The following FHOD3 variants were observed in gnomAD, a reference collection of about 807,000 sequenced individuals.
The protein encoded by FHOD3 is FH1/FH2 domain-containing protein 3.
Under a neutral mutation model 173.0 loss-of-function variants are expected in FHOD3, and 90 were observed. The observed-to-expected ratio is 0.52, with a 90% CI of 0.44 to 0.62. FHOD3 has a LOEUF of 0.62. Among genes scored for constraint, FHOD3 ranks in the 20% least tolerant of loss-of-function variants. The pLI, the probability that FHOD3 is intolerant of heterozygous loss-of-function variation, is 0.00. For synonymous variants in FHOD3, 828 were observed against 823.0 expected (o/e 1.01, Z -0.10); for missense variants, 1,945 against 2,034.7 (o/e 0.96, Z 0.85).
chr18:36,494,746 C>G (rs1182127811), intron 3 of FHOD3, among the ~76,000 whole-genome samples: 2 of 152,188 alleles, frequency 1.3e-5, no homozygotes, highest in African/African-American at 2.4e-5. Flanking sequence ...CTTTGCACAC[C>G]TCCCACCTGG....
chr18:36,680,335 C>T (rs1460477976), intron 14 of FHOD3, among the ~76,000 whole-genome samples: 1 of 152,168 alleles, frequency 6.6e-6, no homozygotes, highest in Non-Finnish European at 1.5e-5. Context: ...GATCTGTGTT[C>T]CCCACCTTGC....
intron 5 of FHOD3, among the ~76,000 whole-genome samples, chr18:36,573,367 T>C (rs1349896270): frequency 6.6e-6 from 1 of 151,772 alleles, no homozygotes; most frequent in East Asian, 1.9e-4. Flanking sequence ...CACTTTGGGA[T>C]TCCAAGGCTG....
At chr18:36,365,733 A>T (rs1385562811) in intron 2 of FHOD3, among the ~76,000 whole-genome samples, 2 of 152,166 alleles carry the variant, frequency 1.3e-5, no homozygotes, top group African/African-American at 4.8e-5. Flanking sequence ...TGGAAGAGAG[A>T]CACTGAGCTG....
intron 1 of FHOD3, among the ~76,000 whole-genome samples, chr18:36,346,766 G>T (rs1054983133): frequency 6.6e-6 from 1 of 152,180 alleles, no homozygotes; most frequent in Non-Finnish European, 1.5e-5. Context: ...TCTGCTCACA[G>T]CCATTCCATT....
In FHOD3 at chr18:36,588,936, C is replaced by T. The variant is rs1025118948; in HGVS notation, c.607-5851C>T. Among the ~76,000 whole-genome samples, 7 of 152,272 alleles carry T rather than the reference C, an allele frequency of 4.6e-5. 1 individual carries two copies. In the South Asian group the frequency reaches 6.2e-4, roughly 14 times the overall value. Reference sequence around the variant, plus strand: ...CTTCCCTCCAGCCCAGCCTCCCTGTCGCAGAGCTGACATTGAGCCCTGTGT... The same window carrying T: ...CTTCCCTCCAGCCCAGCCTCCCTGTTGCAGAGCTGACATTGAGCCCTGTGT... On this transcript the variant is annotated intron_variant, in intron 6 of 28. Transcript: ENST00000590592.
intron 15 of FHOD3, among the ~76,000 whole-genome samples, chr18:36,681,825 C>T (rs377191967): frequency 4.6e-5 from 7 of 152,182 alleles, no homozygotes; most frequent in African/African-American, 1.7e-4. Flanking sequence ...CCTCCATTAC[C>T]TACCTCGTCC....
intron 3 of FHOD3, among the ~76,000 whole-genome samples, chr18:36,459,289 C>G (rs2052411455): frequency 6.6e-6 from 1 of 152,144 alleles, no homozygotes; most frequent in Non-Finnish European, 1.5e-5. Flanking sequence ...GCAACTATGA[C>G]AAAGGGGATT....
chr18:36,779,563 C>T lies in FHOD3; in HGVS notation c.*33C>T, dbSNP rs149851124. ...AGGTTACTCCCAGGAGTGTGCTGAG[C>T]AGAAGGCAAGCTCTTGCTGGATGAA... On this transcript the variant is annotated 3_prime_UTR_variant, in exon 29 of 29. Transcript: ENST00000590592. 129 of 1,600,242 alleles carry T rather than the reference C, an allele frequency of 8.1e-5. 1 individual carries two copies. The East Asian group carries it at 1.7e-3, about 20-fold the overall frequency.
chr18:36,474,986 T>TACACACACACACACAC (rs3056805), intron 3 of FHOD3, among the ~76,000 whole-genome samples: 1 of 108,112 alleles, frequency 9.2e-6, no homozygotes, highest in African/African-American at 3.5e-5. Context: ...AATACACACA[T>TACACACACACACACAC]ACACACACAC....
chr18:36,605,533 C>T (rs547598715), intron 8 of FHOD3, among the ~76,000 whole-genome samples: 1 of 152,248 alleles, frequency 6.6e-6, no homozygotes, highest in East Asian at 1.9e-4. Context: ...AAATGTAATC[C>T]TTTCCTTAAC....
chr18:36,471,542 A>G (rs755112498), intron 3 of FHOD3, among the ~76,000 whole-genome samples: 11 of 152,224 alleles, frequency 7.2e-5, no homozygotes, highest in Non-Finnish European at 1.5e-4. Flanking sequence ...AGAGAAGTCC[A>G]GGCAATTAGG....
chr18:36,461,132 C>T (rs78064093), intron 3 of FHOD3, among the ~76,000 whole-genome samples: 119 of 152,222 alleles, frequency 7.8e-4, no homozygotes, highest in African/African-American at 2.7e-3. Context: ...TGCTGCAGGT[C>T]CTCAGATACA....
chr18:36,726,506 A>T (rs2041078433), intron 19 of FHOD3, among the ~76,000 whole-genome samples: 1 of 152,076 alleles, frequency 6.6e-6, no homozygotes, highest in Non-Finnish European at 1.5e-5. Flanking sequence ...CCTTCAAGAA[A>T]GGCATTTACA....
chr18:36,530,903 G>A (rs2056753511), intron 5 of FHOD3, among the ~76,000 whole-genome samples: 1 of 152,166 alleles, frequency 6.6e-6, no homozygotes, highest in South Asian at 2.1e-4. Flanking sequence ...GGCCCCTGCG[G>A]TGAGTGACTG....
chr18:36,326,935 C>T (rs1276167876), intron 1 of FHOD3, among the ~76,000 whole-genome samples: 4 of 152,196 alleles, frequency 2.6e-5, no homozygotes, highest in Non-Finnish European at 4.4e-5. Flanking sequence ...TTTCTCAGCT[C>T]GGACTTTGGC....
At chr18:36,446,795 G>A (rs989725558) in intron 3 of FHOD3, among the ~76,000 whole-genome samples, 4 of 152,026 alleles carry the variant, frequency 2.6e-5, no homozygotes, top group African/African-American at 9.7e-5. Flanking sequence ...TTAAATGTAC[G>A]CATCTCTCTC....
At chr18:36,676,328 G>C (rs937819896) in intron 14 of FHOD3, among the ~76,000 whole-genome samples, 1 of 152,084 alleles carries the variant, frequency 6.6e-6, no homozygotes, top group Non-Finnish European at 1.5e-5. Context: ...TATATATTTT[G>C]CTTTGGGGAA....
At chr18:36,465,655 C>T (rs2052872261) in intron 3 of FHOD3, among the ~76,000 whole-genome samples, 1 of 152,166 alleles carries the variant, frequency 6.6e-6, no homozygotes, top group Middle Eastern at 3.4e-3. Context: ...GATTGATCAC[C>T]CACACATTGA....
intron 4 of FHOD3, among the ~76,000 whole-genome samples, chr18:36,503,775 G>T (rs533723256): frequency 2.2e-3 from 338 of 152,284 alleles, no homozygotes; most frequent in Middle Eastern, 0.01. Flanking sequence ...TCTGGGTTAC[G>T]TCTGGATTTC....
Sources: allele counts gnomAD v4.1 joint callset (sites outside exome capture counted in the v4.1 genomes callset), GRCh38; gene constraint gnomAD v4.1.1; transcripts MANE v1.5; gene names NCBI Gene and HGNC (gene_info 2026-07-23, HGNC 2026-07-21).